The following UTP4 variants were observed in gnomAD, a reference collection of about 807,000 sequenced individuals.
UTP4 encodes the protein UTP4 small subunit processome component.
UTP4 carries 45 observed loss-of-function variants against 82.4 expected under a neutral mutation model. The ratio of observed to expected loss-of-function variants is 0.55; its 90% CI spans 0.43 to 0.70. The LOEUF is 0.70. Among genes scored for constraint, UTP4 ranks in the 30% least tolerant of loss-of-function variants. The pLI, the probability that UTP4 is intolerant of heterozygous loss-of-function variation, is 0.00. For missense variants in UTP4, 819 were observed against 858.3 expected, an observed-to-expected ratio of 0.95 and a Z score of 0.57; for synonymous variants, 348 against 300.3, an observed-to-expected ratio of 1.16 and a Z score of -1.64.
intron 5 of UTP4, 55 bp from the exon 6 acceptor site, chr16:69,143,123 T>G: frequency 1.9e-6 from 3 of 1,583,720 alleles, no homozygotes; most frequent in Non-Finnish European, 2.6e-6. Context: ...CGCAGGCAGA[T>G]TTTGAAGACA....
At position 69,133,546 on chromosome 16, in the gene UTP4, C is replaced by G. The variant is rs746601254; in HGVS notation, c.87C>G (p.Asn29Lys). The change falls in exon 2 of 17, where the codon AAC becomes AAG. Residue 29 changes from asparagine (N) to lysine (K), a missense_variant. Coordinates refer to ENST00000314423, the MANE Select transcript of UTP4 (RefSeq NM_032830.3). ...GTGTGGCTTACAATAACCAGTCAAA[C>G]AGATTGGCTGTTTCACGAACAGATG... ...IRCVAYNNQS[N>K]RLAVSRTDGT... 24 of 1,614,120 alleles carry G rather than the reference C, an allele frequency of 1.5e-5. No individual in the cohort carries two copies. In the South Asian group the frequency reaches 2.5e-4, roughly 17 times the overall value.
intron 14 of UTP4, 28 bp downstream of exon 14, chr16:69,163,206 C>G: frequency 6.5e-7 from 1 of 1,550,276 alleles, no homozygotes. Context: ...GCTTTCTATT[C>G]CCTTCCTGCT....
At chr16:69,159,586 G>A (rs891929145) in intron 12 of UTP4, among the ~76,000 whole-genome samples, 5 of 152,070 alleles carry the variant, frequency 3.3e-5, no homozygotes, top group African/African-American at 1.2e-4. Context: ...TACTTGGGAG[G>A]CTGAGGCAGG....
At chr16:69,168,152 C>A (rs1963745887) in intron 16 of UTP4, among the ~76,000 whole-genome samples, 1 of 152,090 alleles carries the variant, frequency 6.6e-6, no homozygotes, top group Non-Finnish European at 1.5e-5. Flanking sequence ...AGCTCCCAAT[C>A]TTGGCCGGGC....
intron 14 of UTP4, among the ~76,000 whole-genome samples, chr16:69,163,380 A>C (rs1218501003): frequency 6.6e-6 from 1 of 152,152 alleles, no homozygotes; most frequent in Non-Finnish European, 1.5e-5. Context: ...GATGCAATTT[A>C]AATGGAGAAG....
intron 11 of UTP4, among the ~76,000 whole-genome samples, chr16:69,156,355 ACC>A (rs1963414846): frequency 1.3e-5 from 2 of 150,260 alleles, no homozygotes; most frequent in East Asian, 3.9e-4. Flanking sequence ...GAGTTTCACC[ACC>A]CGTTGGCCAT....
rs776237304 is a variant in UTP4, at chr16:69,150,563, A to G, written c.765A>G (p.Thr255=). The change falls in exon 7 of 17, where the codon ACA becomes ACG. Residue 255 remains threonine, a synonymous_variant. Transcript: ENST00000314423. ...AAGAAGACAGTTTCGTGGTGGGCAC[A>G]GCCGAGGGAACAGTCTTCCATTTTC... is the stretch of plus-strand genomic sequence containing the variant. ...ADQEDSFVVG[T]AEGTVFHFQL... is the part of the protein sequence containing the mutation. 2.5e-6 allele frequency: 4 copies of G among 1,614,254 alleles called. No homozygotes were observed. Among genetic ancestry groups the G allele is most frequent in the Non-Finnish European group, 3.4e-6 (4 of 1,180,048 alleles).
At chr16:69,157,044 T>C in intron 11 of UTP4, 40 bp from the exon 12 acceptor site, 1 of 1,610,738 alleles carries the variant, frequency 6.2e-7, no homozygotes, top group Non-Finnish European at 8.5e-7. Flanking sequence ...GCTGTAGGTC[T>C]CCCTTCTCTC....
intron 6 of UTP4, among the ~76,000 whole-genome samples, chr16:69,147,727 C>G (rs1200376857): frequency 2.6e-5 from 4 of 152,132 alleles, no homozygotes; most frequent in African/African-American, 9.7e-5. Context: ...CCCTGATACA[C>G]ATAGCCTGAC....
At chr16:69,157,753 C>G (rs953833326) in intron 12 of UTP4, among the ~76,000 whole-genome samples, 12 of 151,646 alleles carry the variant, frequency 7.9e-5, no homozygotes, top group African/African-American at 2.7e-4. Context: ...CACCACTATG[C>G]CCAGCTAATT....
At chr16:69,156,463 CTT>C (rs895380237) in intron 11 of UTP4, among the ~76,000 whole-genome samples, 32 of 117,368 alleles carry the variant, frequency 2.7e-4, no homozygotes, top group Admixed American at 2.7e-4. Context: ...CGCACCCAGC[CTT>C]TTTTTTTTTT....
intron 5 of UTP4, among the ~76,000 whole-genome samples, chr16:69,140,990 C>T (rs1391565451): frequency 2.0e-5 from 3 of 152,204 alleles, no homozygotes; most frequent in African/African-American, 4.8e-5. Flanking sequence ...TATGTATATA[C>T]TACTCACATA....
intron 6 of UTP4, among the ~76,000 whole-genome samples, chr16:69,150,321 G>A (rs951268328): frequency 7.9e-5 from 12 of 152,140 alleles, no homozygotes; most frequent in Non-Finnish European, 1.6e-4. Context: ...TACTGTAGAC[G>A]TTAATTTTGT....
At chr16:69,161,867 G>T (rs1474814788) in intron 13 of UTP4, among the ~76,000 whole-genome samples, 1 of 151,900 alleles carries the variant, frequency 6.6e-6, no homozygotes, top group Admixed American at 6.6e-5. Context: ...TTGCTGTGTT[G>T]CCCAGGCTGG....
intron 4 of UTP4, 37 bp from the exon 5 acceptor site, chr16:69,139,788 G>A (rs1962910915): frequency 2.2e-6 from 3 of 1,351,536 alleles, no homozygotes; most frequent in East Asian, 2.3e-5. Flanking sequence ...ATATTTATGT[G>A]TATGTCACTT....
chr16:69,144,025 T>C (rs1963039055), intron 6 of UTP4, among the ~76,000 whole-genome samples: 3 of 151,478 alleles, frequency 2.0e-5, no homozygotes, highest in Non-Finnish European at 4.4e-5. Context: ...GTAGCTCGGA[T>C]TACAGGCCCC....
At chr16:69,164,586 TTA>T (rs58927210) in intron 14 of UTP4, among the ~76,000 whole-genome samples, 12,067 of 132,348 alleles carry the variant, frequency 0.091, 772 homozygotes, top group African/African-American at 0.19. Context: ...TAATCATTCT[TTA>T]TATATATATA....
chr16:69,147,959 T>G (rs1479742845), intron 6 of UTP4, among the ~76,000 whole-genome samples: 3 of 151,848 alleles, frequency 2.0e-5, no homozygotes, highest in African/African-American at 7.3e-5. Context: ...TTTGTTTGTT[T>G]GTTTTGTTTT....
chr16:69,162,985 T>C (rs1353263791), intron 13 of UTP4, 98 bp from the exon 14 acceptor site: 2 of 926,026 alleles, frequency 2.2e-6, no homozygotes. Context: ...TTTTGAATTA[T>C]GAGGAGCAGT....
Sources: gnomAD v4.1 joint callset for allele counts (sites outside exome capture counted in the v4.1 genomes callset) on GRCh38, gnomAD v4.1.1 for gene constraint, MANE v1.5 for transcripts, NCBI Gene and HGNC (gene_info 2026-07-23, HGNC 2026-07-21) for gene names.